The following PTPRG variants were observed in gnomAD, a reference collection of about 807,000 sequenced individuals.
PTPRG encodes protein tyrosine phosphatase receptor type G.
Under a neutral mutation model 165.3 loss-of-function variants are expected in PTPRG, and 102 were observed. The ratio of observed to expected loss-of-function variants is 0.62; its 90% confidence interval spans 0.53 to 0.73. PTPRG has a LOEUF of 0.73. Ranked by LOEUF, PTPRG falls within the 30% of genes least tolerant of loss-of-function variation. PTPRG has a pLI of 0.00. For missense variants in PTPRG, 1,866 were observed against 1,861.4 expected, an observed-to-expected ratio of 1.00 and a Z score of -0.05; for synonymous variants, 675 against 669.5, an observed-to-expected ratio of 1.01 and a Z score of -0.13.
intron 2 of PTPRG, among the ~76,000 whole-genome samples, chr3:61,843,044 T>C (rs1271478468): frequency 2.6e-5 from 4 of 152,244 alleles, no homozygotes; most frequent in Non-Finnish European, 5.9e-5. Context: ...TCTGTTGCTC[T>C]AGCCTGATTT....
At chr3:61,693,651 G>T (rs2030365595) in intron 1 of PTPRG, among the ~76,000 whole-genome samples, 1 of 152,134 alleles carries the variant, frequency 6.6e-6, no homozygotes, top group Non-Finnish European at 1.5e-5. Flanking sequence ...GCTGGGGAGG[G>T]AGAAGATGAA....
At chr3:61,825,461 T>C (rs937096844) in intron 2 of PTPRG, among the ~76,000 whole-genome samples, 2 of 152,210 alleles carry the variant, frequency 1.3e-5, no homozygotes, top group Non-Finnish European at 2.9e-5. Flanking sequence ...CATAAGAGTT[T>C]CATACCTATT....
chr3:61,709,283 A>C (rs1164901549), intron 1 of PTPRG, among the ~76,000 whole-genome samples: 1 of 152,078 alleles, frequency 6.6e-6, no homozygotes, highest in Non-Finnish European at 1.5e-5. Context: ...TGGTTTTCAT[A>C]TTTTTAAACA....
chr3:62,172,768 T>C (rs192172913), intron 8 of PTPRG, among the ~76,000 whole-genome samples: 9 of 152,374 alleles, frequency 5.9e-5, no homozygotes, highest in Admixed American at 3.9e-4. Context: ...AGTGGTATTC[T>C]GTAATCTTCA....
At chr3:61,641,064 A>G (rs1389965327) in intron 1 of PTPRG, among the ~76,000 whole-genome samples, 2 of 152,208 alleles carry the variant, frequency 1.3e-5, no homozygotes, top group African/African-American at 2.4e-5. Flanking sequence ...ACATGCAACT[A>G]GAGGCATATT....
intron 8 of PTPRG, among the ~76,000 whole-genome samples, chr3:62,169,801 C>T (rs140679072): frequency 1.3e-5 from 2 of 152,180 alleles, no homozygotes; most frequent in East Asian, 1.9e-4. Flanking sequence ...TAGTGTGGTA[C>T]GTTACGTGGA....
chr3:62,288,095 A>G (rs1702738583), intron 28 of PTPRG, among the ~76,000 whole-genome samples: 1 of 151,752 alleles, frequency 6.6e-6, no homozygotes, highest in Admixed American at 6.6e-5. Context: ...ATGATGATGA[A>G]GGCACTGCAT....
intron 1 of PTPRG, among the ~76,000 whole-genome samples, chr3:61,588,688 C>T (rs766168426): frequency 9.2e-5 from 14 of 152,196 alleles, no homozygotes; most frequent in Non-Finnish European, 2.1e-4. Flanking sequence ...GCAGATAGTC[C>T]GCCTGCCTTG....
At chr3:61,817,819 A>ACT (rs1444808549) in intron 2 of PTPRG, among the ~76,000 whole-genome samples, 1 of 152,204 alleles carries the variant, frequency 6.6e-6, no homozygotes, top group East Asian at 1.9e-4. Context: ...ACTGCAGTGG[A>ACT]GCAAGATGTG....
At chr3:61,983,572 T>A (rs1251973338) in intron 2 of PTPRG, among the ~76,000 whole-genome samples, 1 of 152,132 alleles carries the variant, frequency 6.6e-6, no homozygotes, top group African/African-American at 2.4e-5. Flanking sequence ...ATTATTTGGA[T>A]CTATTGTGGT....
At chr3:62,094,911 C>T (rs1343436326) in intron 5 of PTPRG, among the ~76,000 whole-genome samples, 1 of 152,194 alleles carries the variant, frequency 6.6e-6, no homozygotes, top group Non-Finnish European at 1.5e-5. Flanking sequence ...AGGAAGGCTG[C>T]GACCTGCCGC....
chr3:61,902,280 G>T (rs564934768), intron 2 of PTPRG, among the ~76,000 whole-genome samples: 2 of 152,156 alleles, frequency 1.3e-5, no homozygotes, highest in African/African-American at 4.8e-5. Context: ...GAAAGAATTA[G>T]GTGGGAGAAC....
intron 1 of PTPRG, among the ~76,000 whole-genome samples, chr3:61,583,209 TG>T (rs1264108412): frequency 6.6e-6 from 1 of 152,172 alleles, no homozygotes; most frequent in African/African-American, 2.4e-5. Flanking sequence ...TTGAGAGGCT[TG>T]GGAGCCAATG....
chr3:62,105,452 A>C (rs1164914727), intron 5 of PTPRG, among the ~76,000 whole-genome samples: 2 of 152,196 alleles, frequency 1.3e-5, no homozygotes, highest in East Asian at 3.8e-4. Context: ...AAAATCAACA[A>C]CTGTGAAGCC....
In PTPRG at chr3:62,098,027, C is replaced by T. The variant is rs550115854; in HGVS notation, c.615+19769C>T. ...TCACAGAGATTTAATAATTCTAATT[C>T]GAGGTTATCTTCATTAAGAATACTA... On this transcript the variant is annotated intron_variant, in intron 5 of 29. Coordinates refer to ENST00000474889, the MANE Select transcript of PTPRG (RefSeq NM_002841.4). Among the ~76,000 whole-genome samples, 7 of 152,140 alleles carry T rather than the reference C, an allele frequency of 4.6e-5. No individual in the cohort carries two copies. The East Asian group carries it at 1.2e-3, about 25-fold the overall frequency.
At chr3:62,272,863 G>A in intron 21 of PTPRG, 83 bp from the exon 22 acceptor site, 2 of 1,345,852 alleles carry the variant, frequency 1.5e-6, no homozygotes, top group South Asian at 1.8e-5. Flanking sequence ...AAAATAAATG[G>A]GGTTTAGATT....
At chr3:61,876,880 C>A (rs929195593) in intron 2 of PTPRG, among the ~76,000 whole-genome samples, 1 of 152,122 alleles carries the variant, frequency 6.6e-6, no homozygotes, top group Non-Finnish European at 1.5e-5. Flanking sequence ...TAAAATATTA[C>A]ATTTTTAGAA....
At chr3:61,626,036 G>C (rs1360029339) in intron 1 of PTPRG, among the ~76,000 whole-genome samples, 1 of 148,752 alleles carries the variant, frequency 6.7e-6, no homozygotes, top group Non-Finnish European at 1.5e-5. Flanking sequence ...GGGGGCGGGA[G>C]AGATCACTTT....
chr3:62,002,568 C>CCTT (rs1385550517), intron 3 of PTPRG, among the ~76,000 whole-genome samples: 1 of 152,124 alleles, frequency 6.6e-6, no homozygotes, highest in African/African-American at 2.4e-5. Context: ...CTCAATTTCT[C>CCTT]CTTCCTGTAT....
Sources: allele counts gnomAD v4.1 joint callset (sites outside exome capture counted in the v4.1 genomes callset), GRCh38; gene constraint gnomAD v4.1.1; transcripts MANE v1.5; gene names NCBI Gene and HGNC (gene_info 2026-07-23, HGNC 2026-07-21).